Variants in ZNF732 observed in about 807,000 individuals in gnomAD.
The protein encoded by ZNF732 is zinc finger protein LOC654254.
Under a neutral mutation model 11.5 loss-of-function variants are expected in ZNF732, and 12 were observed. The ratio of observed to expected loss-of-function variants is 1.05; its 90% confidence interval spans 0.67 to 1.70. The LOEUF (loss-of-function observed/expected upper bound fraction) is 1.70. Among genes scored for constraint, ZNF732 ranks in the 40% most tolerant of loss-of-function variants. The probability of loss-of-function intolerance (pLI) is 0.00; values close to 1 mark genes in which losing one functional copy is unlikely to be tolerated. For missense variants in ZNF732, 702 were observed against 676.9 expected (o/e 1.04, Z -0.41); for synonymous variants, 231 against 236.5 (o/e 0.98, Z 0.21).
Position 271,604 on chromosome 4 carries a change from TG to T in ZNF732, c.1252del (p.His418ThrfsTer16), listed in dbSNP as rs782635418. The T allele has an allele frequency of 6.2e-6, 10 of 1,612,824 alleles. No homozygotes were observed. Among genetic ancestry groups the T allele is most frequent in the Middle Eastern group, 1.6e-4 (1 of 6,074 alleles). The part of the protein sequence containing the change: ...HKRIHTGERP[H>X]KCEECGKAFG... ...GGCTTTGCCACACTCTTCACATTTG[TG>T]GGGCCTCTCTCCAGTATGAATTCTC... On this transcript the variant is annotated frameshift_variant, in exon 4 of 4. Coordinates refer to ENST00000419098, the MANE Select transcript of ZNF732 (RefSeq NM_001137608.3). LOFTEE classifies it low-confidence loss of function (END_TRUNC).
Position 271,253 on chromosome 4 carries a change from C to T in ZNF732, c.1604G>A (p.Cys535Tyr), listed in dbSNP as rs1553837236. The T allele has an allele frequency of 6.4e-7, 1 of 1,571,712 alleles. No homozygotes were observed. Among genetic ancestry groups the T allele is most frequent in the Non-Finnish European group, 8.6e-7 (1 of 1,157,612 alleles). ...TGEKPYRCEE[C>Y]GKAFRRSRVL... ...TCTGGAACGTCTAAATGCTTTGCCA[C>T]ACTCTTCACATCTATAAGGTTTCTC... The change falls in exon 4 of 4, where the codon TGT becomes TAT. Residue 535 changes from cysteine (C) to tyrosine (Y), a missense_variant. Coordinates refer to ENST00000419098, the MANE Select transcript of ZNF732 (RefSeq NM_001137608.3).
chr4:299,495 G>A (rs150214592), intron 1 of ZNF732, among the ~76,000 whole-genome samples: 1,116 of 49,504 alleles, frequency 0.023, 117 homozygotes, highest in African/African-American at 0.065. Flanking sequence ...ACATATGTGT[G>A]TATATATACA....
At position 271,421 on chromosome 4, in the gene ZNF732, C is replaced by T. The variant is rs1553837371; in HGVS notation, c.1436G>A (p.Cys479Tyr). The change falls in exon 4 of 4, where the codon TGT (cysteine) becomes TAT (tyrosine). Residue 479 changes from cysteine to tyrosine, a missense_variant. Cys to Tyr is a radical substitution (Grantham distance 194, BLOSUM62 -2). Around this residue, in one of 3 missense-constraint regions of ZNF732, gnomAD observed 596 missense variants for 557.9 expected, o/e 1.07. Coordinates refer to ENST00000419098, the MANE Select transcript of ZNF732 (RefSeq NM_001137608.3). The part of the protein sequence containing the change: ...TGEKPYRCEE[C>Y]GKAFLCSRAL... ...TCTGGAACATAAAAAGGCTTTGCCA[C>T]ACTCTTCACATCTATAAGGTTTCTC... 9 of 1,602,506 alleles carry T rather than the reference C, an allele frequency of 5.6e-6. No homozygotes were observed. The South Asian group carries it at 7.8e-5, about 14-fold the overall frequency.
rs1553837768 is a variant in ZNF732, at chr4:272,105, T to C, written c.752A>G (p.Lys251Arg). ...AAAGGCTTTGCCACATTCTTCATAT[T>C]TGTAAGATTTCTCTCCAGTATGAAC... ...HKVHTGEKSYKYEECGKAFNR... is the reference protein window; with the variant it reads ...HKVHTGEKSYRYEECGKAFNR... The change falls in exon 4 of 4, where the codon AAA becomes AGA. Residue 251 changes from lysine to arginine, a missense_variant. Lys to Arg is a conservative substitution (Grantham distance 26). Around this residue, in one of 3 missense-constraint regions of ZNF732, gnomAD observed 596 missense variants for 557.9 expected, o/e 1.07. Transcript: ENST00000419098. 3 of 1,612,236 alleles carry C rather than the reference T, an allele frequency of 1.9e-6. No homozygotes were observed. The African/African-American group carries it at 4.0e-5, about 22-fold the overall frequency.
rs1352844442 is a variant in ZNF732 at position 270,947 on chromosome 4, C to A, written c.*152G>T. 1 of 793,450 alleles carries A rather than the reference C, an allele frequency of 1.3e-6. No individual in the cohort carries two copies. The highest frequency in any genetic ancestry group is 2.1e-5 in the Admixed American group (1 of 47,950). 49.2% of individuals were successfully genotyped at this position (793,450 alleles called of 1,614,324 possible). A position where few individuals can be genotyped will look rare whatever the true frequency, so the allele number is the denominator to read the frequency against. On this transcript the variant is annotated 3_prime_UTR_variant, in exon 4 of 4. Transcript: ENST00000419098. ...TCTTTACATTTGTAGGGTTTTTCTC[C>A]AGTATGAATTCTTACTTTCATTCAG...
chr4:271,541 A>T lies in ZNF732; in HGVS notation c.1316T>A (p.Ile439Asn). 1 of 1,611,798 alleles carries T rather than the reference A, an allele frequency of 6.2e-7. No homozygotes were observed. Among genetic ancestry groups the T allele is most frequent in the Non-Finnish European group, 8.5e-7 (1 of 1,178,890 alleles). The change falls in exon 4 of 4, where the codon ATT (isoleucine) becomes AAT (asparagine). Residue 439 changes from isoleucine (I) to asparagine (N), a missense_variant. Ile to Asn is a moderately radical substitution (Grantham distance 149). Transcript: ENST00000419098. ...TTTGTAAGGTTTCTCTCCAGTATGA[A>T]TTATCTTATGTTTATTCAGGTCTGT... ...WSTDLNKHKI[I>N]HTGEKPYKCE...
At chr4:300,855 C>A (rs919008300) in intron 1 of ZNF732, among the ~76,000 whole-genome samples, 2 of 152,154 alleles carry the variant, frequency 1.3e-5, no homozygotes, top group East Asian at 1.9e-4. Flanking sequence ...GCAACAAAAG[C>A]CAAAATTGAC....
At chr4:284,315 C>T (rs1010274801) in intron 3 of ZNF732, among the ~76,000 whole-genome samples, 3 of 151,986 alleles carry the variant, frequency 2.0e-5, no homozygotes, top group Non-Finnish European at 2.9e-5. Context: ...CAACATGCTT[C>T]TGAACAACTG....
rs376138698 is a variant in ZNF732, at chr4:294,860, G to A, written c.226+578C>T. Among the ~76,000 whole-genome samples, 37 of 152,196 alleles carry A rather than the reference G, an allele frequency of 2.4e-4. No individual in the cohort carries two copies. The East Asian group carries it at 4.2e-3, about 17-fold the overall frequency. On this transcript the variant is annotated intron_variant, in intron 3 of 3. Coordinates refer to ENST00000419098, the MANE Select transcript of ZNF732 (RefSeq NM_001137608.3). ...CACAAATCTCAGTTTATACTAAAAC[G>A]ATAACATTCTGAAGTAACATTACAT...
At chr4:276,269 G>A (rs13136187) in intron 3 of ZNF732, among the ~76,000 whole-genome samples, 6,243 of 151,848 alleles carry the variant, frequency 0.041, 179 homozygotes, top group East Asian at 0.12. Context: ...GATAAACACA[G>A]AGACTCTTAT....
At chr4:292,525 C>G (rs1365453051) in intron 3 of ZNF732, among the ~76,000 whole-genome samples, 1 of 148,994 alleles carries the variant, frequency 6.7e-6, no homozygotes, top group Non-Finnish European at 1.5e-5. Context: ...CCACTGCACT[C>G]CAGCCTGAGC....
intron 3 of ZNF732, among the ~76,000 whole-genome samples, chr4:291,167 G>A (rs6855867): frequency 0.058 from 8,810 of 152,134 alleles, 418 homozygotes; most frequent in African/African-American, 0.13. Context: ...ACCCTAGAGT[G>A]GAATAACAAA....
chr4:304,573 C>A lies in ZNF732; in HGVS notation c.3+735G>T, dbSNP rs551860659. On this transcript the variant is annotated intron_variant, in intron 1 of 3. Transcript: ENST00000419098. The stretch of plus-strand genomic sequence containing the variant: ...AGCGCTCTTCCCGCAGCTGCCCCCC[C>A]CCTGCAGACGGCAGTCCCTGCCTCT... Among the ~76,000 whole-genome samples, 14 of 150,228 alleles carry A rather than the reference C, an allele frequency of 9.3e-5. No homozygotes were observed. The South Asian group carries it at 1.5e-3, about 16-fold the overall frequency.
intron 1 of ZNF732, among the ~76,000 whole-genome samples, chr4:302,730 A>AAATT (rs1553843794): frequency 6.6e-5 from 10 of 152,368 alleles, no homozygotes. Context: ...AATGACATAT[A>AAATT]AATTTTAAAG....
intron 1 of ZNF732, among the ~76,000 whole-genome samples, chr4:299,627 T>C (rs1214074467): frequency 2.1e-5 from 3 of 142,978 alleles, no homozygotes; most frequent in African/African-American, 5.1e-5. Flanking sequence ...AAATAATATA[T>C]TTGTATATAT....
intron 3 of ZNF732, among the ~76,000 whole-genome samples, chr4:286,475 GAA>G (rs1719734668): frequency 1.3e-5 from 2 of 152,164 alleles, no homozygotes; most frequent in Admixed American, 6.5e-5. Context: ...CTTAAAAGCA[GAA>G]AAGTTTTTCT....
chr4:293,117 T>C (rs1719875374), intron 3 of ZNF732, among the ~76,000 whole-genome samples: 1 of 145,948 alleles, frequency 6.9e-6, no homozygotes, highest in Non-Finnish European at 1.5e-5. Context: ...AATGGAAATA[T>C]TATATAATCC....
intron 3 of ZNF732, among the ~76,000 whole-genome samples, chr4:284,944 A>G (rs558227270): frequency 6.6e-6 from 1 of 152,118 alleles, no homozygotes; most frequent in African/African-American, 2.4e-5. Context: ...AGGCAGAGAA[A>G]GAATTTACAT....
rs375899248 is a variant in ZNF732 at position 274,927 on chromosome 4, T to C, written c.227-2297A>G. Among the ~76,000 whole-genome samples the C allele has an allele frequency of 3.1e-3, 472 of 151,750 alleles. 2 individuals are homozygous for C. Among genetic ancestry groups the C allele is most frequent in the Middle Eastern group, 0.014 (4 of 294 alleles). On this transcript the variant is annotated intron_variant, in intron 3 of 3. Transcript: ENST00000419098. ...ATATACAAAGCCAATACTCACAGAATTAAGACAAAGACAGCAATATAACTA... is the reference window on the plus strand; with the variant it reads ...ATATACAAAGCCAATACTCACAGAACTAAGACAAAGACAGCAATATAACTA...
Sources: gnomAD v4.1 joint callset for allele counts (sites outside exome capture counted in the v4.1 genomes callset) on GRCh38, gnomAD v4.1.1 for gene constraint, gnomAD v4.1.1 regional missense constraint, MANE v1.5 for transcripts, NCBI Gene and HGNC (gene_info 2026-07-23, HGNC 2026-07-21) for gene names.